The following MCM8 variants were observed in gnomAD, a reference collection of about 807,000 sequenced individuals.
MCM8 encodes the protein DNA helicase MCM8.
Under a neutral mutation model 98.9 loss-of-function variants are expected in MCM8, and 85 were observed. The observed-to-expected ratio is 0.86, with a 90% CI of 0.72 to 1.03. The LOEUF (loss-of-function observed/expected upper bound fraction) is 1.03. MCM8 is among the 50% of genes least tolerant of loss of function. MCM8 has a pLI of 0.00. For missense variants in MCM8, 951 were observed against 997.8 expected, an observed-to-expected ratio of 0.95 and a Z score of 0.63; for synonymous variants, 352 against 338.6, an observed-to-expected ratio of 1.04 and a Z score of -0.44.
At chr20:5,967,249 A>T (rs957133557) in intron 8 of MCM8, among the ~76,000 whole-genome samples, 187 bp from the exon 9 acceptor site, 2 of 152,250 alleles carry the variant, frequency 1.3e-5, no homozygotes, top group African/African-American at 4.8e-5. Context: ...GAGGCTAGGC[A>T]AATACATATG....
chr20:5,982,428 T>C (rs1022299624), intron 13 of MCM8, among the ~76,000 whole-genome samples: 33 of 152,158 alleles, frequency 2.2e-4, no homozygotes, highest in African/African-American at 7.5e-4. Context: ...CAATAACTTA[T>C]GCAATAGACA....
intron 17 of MCM8, among the ~76,000 whole-genome samples, chr20:5,990,100 TCTCA>T (rs1359505482): frequency 1.3e-5 from 2 of 151,460 alleles, no homozygotes; most frequent in Non-Finnish European, 2.9e-5. Context: ...TTAGACAGAG[TCTCA>T]CTCTGTCATC....
intron 8 of MCM8, chr20:5,965,457 G>A (rs1391762676): frequency 3.3e-5 from 5 of 152,002 alleles, no homozygotes. Flanking sequence ...ACCCCTTTTC[G>A]TCTGGTAAGT....
chr20:5,972,868 A>C (rs2089434431), intron 11 of MCM8, 188 bp from the exon 12 acceptor site: 5 of 1,353,172 alleles, frequency 3.7e-6, no homozygotes, highest in Non-Finnish European at 4.9e-6. Flanking sequence ...ATATGTTTTC[A>C]AGTTTTTACT....
Position 5,994,465 on chromosome 20 carries a change from GCACAGACAGACAGACACACACACA to G in MCM8, c.*79_*102del. 3.5e-6 allele frequency: 2 copies of G among 574,836 alleles called. No homozygotes were observed. Among genetic ancestry groups the G allele is most frequent in the South Asian group, 1.8e-5 (1 of 54,086 alleles). 35.6% of individuals were successfully genotyped at this position (574,836 alleles called of 1,614,324 possible). On this transcript the variant is annotated 3_prime_UTR_variant, in exon 19 of 19. Transcript: ENST00000610722. Reference sequence around the variant, plus strand: ...CATCTCAGTGAAGATATGCGTGCACGCACAGACAGACAGACACACACACACACACACACACACACACACACACAC... The same window carrying G: ...CATCTCAGTGAAGATATGCGTGCACGCACACACACACACACACACACACAC...
intron 7 of MCM8, among the ~76,000 whole-genome samples, chr20:5,962,868 A>G (rs1392203797): frequency 1.3e-5 from 2 of 152,160 alleles, no homozygotes; most frequent in Non-Finnish European, 2.9e-5. Flanking sequence ...CCTAGATGAG[A>G]AAGCTGGGGA....
At position 5,987,355 on chromosome 20, in the gene MCM8, A is replaced by G; in HGVS notation, c.2237A>G (p.Tyr746Cys). The change falls in exon 17 of 19, where the codon TAT becomes TGT. Residue 746 changes from tyrosine (Y) to cysteine (C), a missense_variant. By Grantham distance (194) the Tyr-to-Cys change is radical (BLOSUM62 -2). Transcript: ENST00000610722. ...DAEDIVEIMK[Y>C]SMLGTYSDEF... ...GAGGATATAGTGGAAATTATGAAAT[A>G]TAGGTAAGATAAAAATTTCAAATTG... The G allele has an allele frequency of 6.2e-7, 1 of 1,607,024 alleles. No homozygotes were observed. The highest frequency in any genetic ancestry group is 8.5e-7 in the Non-Finnish European group (1 of 1,177,402).
rs548473719 is a variant in MCM8 at position 5,983,282 on chromosome 20, A to G, written c.1733+117A>G. 8.6e-5 allele frequency: 76 copies of G among 880,766 alleles called. No homozygotes were observed. The African/African-American group carries it at 1.3e-3, about 15-fold the overall frequency. 54.6% of individuals were successfully genotyped at this position (880,766 alleles called of 1,614,324 possible). On this transcript the variant is annotated intron_variant, in intron 14 of 18. Transcript: ENST00000610722. Reference sequence around the variant, plus strand: ...ACATGGATATTTCACAGAAGTTATAAATGTCCAATAAATGCACAAAAATGT... The same window carrying G: ...ACATGGATATTTCACAGAAGTTATAGATGTCCAATAAATGCACAAAAATGT...
intron 13 of MCM8, among the ~76,000 whole-genome samples, chr20:5,982,361 C>G (rs1376046615): frequency 6.6e-6 from 1 of 152,094 alleles, no homozygotes; most frequent in Non-Finnish European, 1.5e-5. Context: ...AGATACTAAC[C>G]TAACTGGTAT....
At position 5,994,961 on chromosome 20, in the gene MCM8, A is replaced by C. The variant is rs991532718; in HGVS notation, c.*570A>C. Reference sequence around the variant, plus strand: ...GTAGCCATGTGTTAATTGTTAAATAAATTCTCCAAAGGGCTAAAAGTAAAT... The same window carrying C: ...GTAGCCATGTGTTAATTGTTAAATACATTCTCCAAAGGGCTAAAAGTAAAT... On this transcript the variant is annotated 3_prime_UTR_variant, in exon 19 of 19. Transcript: ENST00000610722. The C allele has an allele frequency of 5.5e-6, 1 of 181,828 alleles. No homozygotes were observed. The highest frequency in any genetic ancestry group is 2.4e-5 in the African/African-American group (1 of 42,038). The allele number at this position is 181,828 out of a possible 1,614,324, so 11.3% of individuals were successfully genotyped here.
chr20:5,965,619 C>T (rs1249896647), intron 8 of MCM8: 2 of 152,038 alleles, frequency 1.3e-5, no homozygotes, highest in African/African-American at 4.8e-5. Flanking sequence ...TGGTTTTTAC[C>T]CCTTAAATGA....
chr20:5,988,994 T>C (rs1474164934), intron 17 of MCM8, among the ~76,000 whole-genome samples: 1 of 152,110 alleles, frequency 6.6e-6, no homozygotes, highest in Non-Finnish European at 1.5e-5. Context: ...TTTCCTCTGG[T>C]GTAAAACACA....
intron 15 of MCM8, 89 bp from the exon 16 acceptor site, chr20:5,985,833 A>G: frequency 7.4e-7 from 1 of 1,350,084 alleles, no homozygotes. Flanking sequence ...GGCGTGAGCC[A>G]CTGCACCTGG....
In MCM8 at chr20:5,994,589, T is replaced by C. The variant is rs561584463; in HGVS notation, c.*198T>C. The C allele has an allele frequency of 1.2e-3, 635 of 539,514 alleles. No individual in the cohort carries two copies. Among genetic ancestry groups the C allele is most frequent in the Non-Finnish European group, 1.8e-3 (536 of 305,074 alleles). The allele number at this position is 539,514 out of a possible 1,614,324, so 33.4% of individuals were successfully genotyped here. ...TATAATAGGAAAAAAGCATTAAATATAATAAACTAATTTAAGAAGTGATAA... is the reference window on the plus strand; with the variant it reads ...TATAATAGGAAAAAAGCATTAAATACAATAAACTAATTTAAGAAGTGATAA... On this transcript the variant is annotated 3_prime_UTR_variant, in exon 19 of 19. Transcript: ENST00000610722.
At chr20:5,965,359 G>A (rs919793741) in intron 8 of MCM8, 3 of 152,028 alleles carry the variant, frequency 2.0e-5, no homozygotes, top group East Asian at 1.9e-4. Flanking sequence ...CCATCTTCAC[G>A]TTCCACTGTC....
chr20:5,956,098 A>G (rs1021144700), intron 5 of MCM8, among the ~76,000 whole-genome samples: 2 of 152,208 alleles, frequency 1.3e-5, no homozygotes, highest in Non-Finnish European at 2.9e-5. Context: ...AAACAGATAC[A>G]TGCTTCAAGG....
At position 5,984,890 on chromosome 20, in the gene MCM8, G is replaced by A; in HGVS notation, c.1843G>A (p.Gly615Arg). The change falls in exon 15 of 19, where the codon GGA becomes AGA. Residue 615 changes from glycine (G) to arginine (R), a missense_variant. Physicochemically the swap from Gly to Arg is moderately radical, Grantham distance 125 (BLOSUM62 -2). Transcript: ENST00000610722. ...TGAACATGTGATTGCAATAAGAGCT[G>A]GAAAGCAGAGAACCATTAGCAGTGC... ...LSEHVIAIRA[G>R]KQRTISSATV... 1 of 1,614,072 alleles carries A rather than the reference G, an allele frequency of 6.2e-7. No individual in the cohort carries two copies. Among genetic ancestry groups the A allele is most frequent in the Non-Finnish European group, 8.5e-7 (1 of 1,179,984 alleles).
intron 3 of MCM8, among the ~76,000 whole-genome samples, chr20:5,952,905 G>T (rs181000477): frequency 1.8e-4 from 28 of 152,318 alleles, no homozygotes; most frequent in African/African-American, 6.5e-4. Flanking sequence ...GAATTCAAAG[G>T]TTGGAGAGGT....
chr20:5,986,222 C>T (rs1600303534), intron 16 of MCM8, 91 bp downstream of exon 16: 2 of 1,138,166 alleles, frequency 1.8e-6, no homozygotes, highest in Non-Finnish European at 1.3e-6. Flanking sequence ...GCATAATTGA[C>T]TCCATTTTCC....
Sources: allele counts gnomAD v4.1 joint callset (sites outside exome capture counted in the v4.1 genomes callset), GRCh38; gene constraint gnomAD v4.1.1; transcripts MANE v1.5; gene names NCBI Gene and HGNC (gene_info 2026-07-23, HGNC 2026-07-21).